The following SGCD variants were observed in gnomAD, a reference collection of about 807,000 sequenced individuals.
SGCD encodes delta-sarcoglycan.
In SGCD, 18 loss-of-function variants were observed where a neutral mutation model predicts 36.6. The ratio of observed to expected loss-of-function variants is 0.49; its 90% CI spans 0.34 to 0.73. The LOEUF is 0.73. Ranked by LOEUF, SGCD falls within the 30% of genes least tolerant of loss-of-function variation. The probability of loss-of-function intolerance (pLI) is 0.01; values close to 1 mark genes in which losing one functional copy is unlikely to be tolerated. For missense variants in SGCD, 387 were observed against 346.7 expected (o/e 1.12, Z -0.92); for synonymous variants, 133 against 130.6 (o/e 1.02, Z -0.12).
At chr5:156,122,952 G>A (rs1041307107) in intron 2 of SGCD, among the ~76,000 whole-genome samples, 2 of 149,754 alleles carry the variant, frequency 1.3e-5, no homozygotes, top group Admixed American at 1.3e-4. Flanking sequence ...ACAATGTGAG[G>A]TATATAGGCA....
At chr5:156,000,766 G>GC (rs1451517696) in intron 1 of SGCD, among the ~76,000 whole-genome samples, 1 of 151,318 alleles carries the variant, frequency 6.6e-6, no homozygotes, top group Non-Finnish European at 1.5e-5. Flanking sequence ...CTACTCAAGG[G>GC]CTTATTCAAA....
At chr5:156,608,624 G>T (rs563591442) in intron 6 of SGCD, among the ~76,000 whole-genome samples, 139 of 152,254 alleles carry the variant, frequency 9.1e-4, no homozygotes, top group Middle Eastern at 3.4e-3. Context: ...TCATTGATCT[G>T]TCTAATGTTG....
intron 3 of SGCD, among the ~76,000 whole-genome samples, chr5:156,304,023 A>G (rs1767131118): frequency 6.6e-6 from 1 of 152,086 alleles, no homozygotes; most frequent in African/African-American, 2.4e-5. Flanking sequence ...AGCTCAGCAG[A>G]GCACCAGTAC....
intron 1 of SGCD, among the ~76,000 whole-genome samples, chr5:156,054,011 A>G (rs1350115380): frequency 1.4e-5 from 2 of 145,724 alleles, no homozygotes; most frequent in African/African-American, 2.5e-5. Flanking sequence ...ACCGCTTAAT[A>G]CTATCATAGT....
intron 1 of SGCD, among the ~76,000 whole-genome samples, chr5:155,929,886 T>A (rs1485914993): frequency 1.3e-5 from 2 of 152,182 alleles, no homozygotes; most frequent in Non-Finnish European, 2.9e-5. Context: ...TTTCTACTTA[T>A]CTTGTTTTGA....
chr5:155,884,106 A>T (rs527657142), intron 1 of SGCD, among the ~76,000 whole-genome samples: 5 of 152,264 alleles, frequency 3.3e-5, no homozygotes, highest in Admixed American at 3.3e-4. Context: ...CTTTGCTGTG[A>T]GCCATTCTGT....
intron 3 of SGCD, among the ~76,000 whole-genome samples, chr5:156,483,556 C>G (rs184430270): frequency 2.9e-3 from 438 of 152,276 alleles, no homozygotes; most frequent in African/African-American, 0.01. Context: ...GAAGGCGAGG[C>G]CTGGGCATTT....
At chr5:156,099,984 C>T (rs1384653813) in intron 1 of SGCD, among the ~76,000 whole-genome samples, 2 of 152,064 alleles carry the variant, frequency 1.3e-5, no homozygotes, top group Non-Finnish European at 2.9e-5. Flanking sequence ...CTTACAAATG[C>T]ATATATTCAT....
Position 155,992,957 on chromosome 5 carries a change from C to T in SGCD, c.-282+122533C>T, listed in dbSNP as rs371216811. Among the ~76,000 whole-genome samples the T allele has an allele frequency of 8.5e-5, 13 of 152,260 alleles. No individual in the cohort carries two copies. The South Asian group carries it at 2.7e-3, about 32-fold the overall frequency. On this transcript the variant is annotated intron_variant, in intron 1 of 9. Transcript: ENST00000517913. ...TAACCAATCCAGAGTCATGCTCTAG[C>T]TTCTTCCTTTTTGTGGGCTCTTATA...
intron 7 of SGCD, among the ~76,000 whole-genome samples, chr5:156,721,325 G>A (rs1755490242): frequency 6.6e-6 from 1 of 152,170 alleles, no homozygotes; most frequent in Non-Finnish European, 1.5e-5. Flanking sequence ...TCAGGAAGAT[G>A]AGGAGGAACC....
upstream of SGCD, among the ~76,000 whole-genome samples, chr5:156,325,275 C>A (rs1767777094): frequency 6.6e-6 from 1 of 151,604 alleles, no homozygotes; most frequent in African/African-American, 2.4e-5. Context: ...GAAAACTAGC[C>A]ACTCAAATAC....
At chr5:155,778,073 G>A in the SGCD span, among the ~76,000 whole-genome samples, 7 of 152,014 alleles carry the variant, frequency 4.6e-5, no homozygotes, top group Non-Finnish European at 8.8e-5. Context: ...GTACTTCTTG[G>A]CATTTTTTGA....
At chr5:155,913,908 G>A (rs1279522308) in intron 1 of SGCD, among the ~76,000 whole-genome samples, 1 of 152,174 alleles carries the variant, frequency 6.6e-6, no homozygotes, top group Admixed American at 6.6e-5. Flanking sequence ...ACCTTTATTA[G>A]TCTCATGAAT....
chr5:156,592,721 C>T (rs1760773264), intron 5 of SGCD, among the ~76,000 whole-genome samples: 1 of 152,136 alleles, frequency 6.6e-6, no homozygotes, highest in Non-Finnish European at 1.5e-5. Flanking sequence ...TCATCTGCAG[C>T]ATCAAAGTGG....
intron 7 of SGCD, among the ~76,000 whole-genome samples, chr5:156,662,855 T>C (rs374164335): frequency 0.057 from 5,408 of 95,112 alleles, 1 homozygote; most frequent in Middle Eastern, 0.12. Context: ...CATTTGCTAA[T>C]AAATGTAAAG....
intron 7 of SGCD, among the ~76,000 whole-genome samples, chr5:156,664,050 A>G (rs2113637198): frequency 1.5e-5 from 1 of 67,052 alleles, no homozygotes; most frequent in East Asian, 4.1e-4. Context: ...GTGGCTCTCT[A>G]CCTGTTGTAG....
intron 3 of SGCD, among the ~76,000 whole-genome samples, chr5:156,351,122 C>T (rs1018593779): frequency 1.3e-5 from 2 of 152,100 alleles, no homozygotes; most frequent in Admixed American, 6.5e-5. Context: ...CTGGTAGTTC[C>T]GAATGTTTGG....
intron 3 of SGCD, among the ~76,000 whole-genome samples, chr5:156,453,858 G>C (rs1461786346): frequency 2.0e-5 from 3 of 152,184 alleles, no homozygotes; most frequent in Non-Finnish European, 2.9e-5. Flanking sequence ...AAAGAAGCCA[G>C]ACATAGAAGA....
the SGCD span, among the ~76,000 whole-genome samples, chr5:155,863,519 C>G: frequency 1.3e-5 from 2 of 151,656 alleles, no homozygotes; most frequent in Non-Finnish European, 1.5e-5. Flanking sequence ...TTTATTTCCC[C>G]AAATGCTTTT....
Sources: allele counts gnomAD v4.1 joint callset (sites outside exome capture counted in the v4.1 genomes callset), GRCh38; gene constraint gnomAD v4.1.1; transcripts MANE v1.5; gene names NCBI Gene and HGNC (gene_info 2026-07-23, HGNC 2026-07-21).